Variants in ATP6V1H observed in about 807,000 individuals in gnomAD.
ATP6V1H encodes the protein ATPase H+ transporting V1 subunit H, also known as V-type proton ATPase subunit H.
In ATP6V1H, 39 loss-of-function variants were observed where a neutral mutation model predicts 71.7. The ratio of observed to expected loss-of-function variants is 0.54; its 90% CI spans 0.42 to 0.71. ATP6V1H has a LOEUF of 0.71. Ranked by LOEUF, ATP6V1H falls within the 30% of genes least tolerant of loss-of-function variation. The probability of loss-of-function intolerance (pLI) is 0.00; values close to 1 mark genes in which losing one functional copy is unlikely to be tolerated. For missense variants in ATP6V1H, 509 were observed against 594.9 expected (o/e 0.86, Z 1.50); for synonymous variants, 192 against 199.3 (o/e 0.96, Z 0.31).
chr8:53,805,888 T>G (rs570591978), intron 7 of ATP6V1H, among the ~76,000 whole-genome samples: 1 of 152,282 alleles, frequency 6.6e-6, no homozygotes, highest in South Asian at 2.1e-4. Flanking sequence ...CACATAAGAA[T>G]TTATACTGTA....
chr8:53,740,836 G>C (rs1025288320), intron 13 of ATP6V1H, among the ~76,000 whole-genome samples: 1 of 152,124 alleles, frequency 6.6e-6, no homozygotes, highest in African/African-American at 2.4e-5. Flanking sequence ...AATTAAACTG[G>C]TATTGTAATA....
At chr8:53,814,619 T>A in intron 6 of ATP6V1H, 43 bp downstream of exon 6, 1 of 1,038,010 alleles carries the variant, frequency 9.6e-7, no homozygotes, top group East Asian at 2.4e-5. Context: ...AGAACACGGA[T>A]GTTATATTCC....
rs138052587 is a variant in ATP6V1H, at chr8:53,794,514, T to G, written c.870+1133A>C. Among the ~76,000 whole-genome samples, 443 of 152,184 alleles carry G rather than the reference T, an allele frequency of 2.9e-3. 5 individuals are homozygous for G. The East Asian group carries it at 0.033, about 11-fold the overall frequency. On this transcript the variant is annotated intron_variant, in intron 9 of 13. Coordinates refer to ENST00000359530, the MANE Select transcript of ATP6V1H (RefSeq NM_015941.4). ...CTGAGCAGCTGGGATTACAGGCACATGACACCACGCCCAGCTAATTTTTGT... is the reference window on the plus strand; with the variant it reads ...CTGAGCAGCTGGGATTACAGGCACAGGACACCACGCCCAGCTAATTTTTGT...
intron 8 of ATP6V1H, 136 bp from the exon 9 acceptor site, chr8:53,795,975 G>T: frequency 1.3e-6 from 1 of 747,792 alleles, no homozygotes; most frequent in Non-Finnish European, 2.1e-6. Flanking sequence ...GCAATAACAA[G>T]CAGCTAGATT....
chr8:53,820,426 G>A (rs1810612388), intron 4 of ATP6V1H, among the ~76,000 whole-genome samples: 1 of 151,630 alleles, frequency 6.6e-6, no homozygotes. Context: ...CATACAATCT[G>A]CCCCCCACCA....
chr8:53,749,806 T>C (rs1038588152), intron 12 of ATP6V1H, among the ~76,000 whole-genome samples: 1 of 152,106 alleles, frequency 6.6e-6, no homozygotes, highest in Non-Finnish European at 1.5e-5. Context: ...AGCTTTGATA[T>C]TGTCACAATG....
chr8:53,724,625 C>T (rs1016487109), intron 13 of ATP6V1H, among the ~76,000 whole-genome samples: 5 of 132,500 alleles, frequency 3.8e-5, no homozygotes, highest in Admixed American at 1.8e-4. Context: ...GCCAAGAGGA[C>T]GAGGCCACGC....
chr8:53,785,945 C>A (rs1484873413), intron 9 of ATP6V1H, among the ~76,000 whole-genome samples: 1 of 152,218 alleles, frequency 6.6e-6, no homozygotes, highest in African/African-American at 2.4e-5. Context: ...TCAGTCCACC[C>A]TTACTGCGGG....
Position 53,814,746 on chromosome 8 carries a change from C to G in ATP6V1H, c.441G>C (p.Lys147Asn). 1 of 1,611,776 alleles carries G rather than the reference C, an allele frequency of 6.2e-7. No individual in the cohort carries two copies. Among genetic ancestry groups the G allele is most frequent in the Non-Finnish European group, 8.5e-7 (1 of 1,178,980 alleles). Reference sequence around the variant, plus strand: ...TCAGTTCTTTTCCCCAAGCTGCTAACTTGGCAATAATTCTTGCTGCCTGAA... The same window carrying G: ...TCAGTTCTTTTCCCCAAGCTGCTAAGTTGGCAATAATTCTTGCTGCCTGAA... ...TVHMAARIIA[K>N]LAAWGKELME... Residue 147 changes from lysine (K) to asparagine (N), a missense_variant, in exon 6 of 14, where the codon AAG becomes AAC. By Grantham distance (94) the Lys-to-Asn change is moderately conservative (BLOSUM62 0). This residue lies in a region of ATP6V1H where 297 missense variants were observed against 303.3 expected (regional missense o/e 0.98). Coordinates refer to ENST00000359530, the MANE Select transcript of ATP6V1H (RefSeq NM_015941.4).
At chr8:53,806,657 T>C (rs1258646507) in intron 7 of ATP6V1H, 1 of 191,590 alleles carries the variant, frequency 5.2e-6, no homozygotes, top group Non-Finnish European at 1.1e-5. Context: ...GATAAATACA[T>C]AGTATTAGGT....
chr8:53,822,639 T>TG (rs1456706650), intron 4 of ATP6V1H, among the ~76,000 whole-genome samples: 1 of 152,088 alleles, frequency 6.6e-6, no homozygotes, highest in Admixed American at 6.5e-5. Flanking sequence ...TAACACAGTA[T>TG]GACAGTTGAG....
chr8:53,756,790 C>T, intron 11 of ATP6V1H, 134 bp from the exon 12 acceptor site: 1 of 563,562 alleles, frequency 1.8e-6, no homozygotes, highest in Non-Finnish European at 3.0e-6. Flanking sequence ...AAGGATTTCA[C>T]TATTAGACAT....
intron 12 of ATP6V1H, among the ~76,000 whole-genome samples, chr8:53,745,627 C>T (rs909143030): frequency 6.6e-6 from 1 of 151,916 alleles, no homozygotes; most frequent in Non-Finnish European, 1.5e-5. Flanking sequence ...ACGTAACAGC[C>T]CCTTCTTGTG....
chr8:53,782,059 T>G (rs1809160043), intron 9 of ATP6V1H, among the ~76,000 whole-genome samples: 1 of 152,202 alleles, frequency 6.6e-6, no homozygotes, highest in Admixed American at 6.5e-5. Context: ...TTAAAGTAGT[T>G]TTTTCCAATT....
intron 7 of ATP6V1H, among the ~76,000 whole-genome samples, chr8:53,808,774 CTGGGTGACAGAGTGAG>C (rs1810176583): frequency 1.3e-5 from 2 of 149,448 alleles, no homozygotes; most frequent in Non-Finnish European, 3.0e-5. Flanking sequence ...GCACTCCAAC[CTGGGTGACAGAGTGAG>C]ACTCCATCTC....
intron 4 of ATP6V1H, among the ~76,000 whole-genome samples, chr8:53,824,775 A>G (rs927989056): frequency 1.3e-5 from 2 of 152,124 alleles, no homozygotes; most frequent in African/African-American, 4.8e-5. Flanking sequence ...TTTATAACCC[A>G]TAAGAATTGA....
At chr8:53,792,410 C>T (rs1291412081) in intron 9 of ATP6V1H, among the ~76,000 whole-genome samples, 2 of 152,154 alleles carry the variant, frequency 1.3e-5, no homozygotes, top group African/African-American at 4.8e-5. Flanking sequence ...TCCCAGAATC[C>T]ACACTGAACA....
chr8:53,779,158 C>T (rs1488566570), intron 9 of ATP6V1H, among the ~76,000 whole-genome samples: 1 of 152,056 alleles, frequency 6.6e-6, no homozygotes, highest in Admixed American at 6.5e-5. Context: ...AAAATCAGTA[C>T]ATAGAAGATC....
rs190570291 is a variant in ATP6V1H at position 53,786,965 on chromosome 8, T to C, written c.870+8682A>G. Among the ~76,000 whole-genome samples, 401 of 152,384 alleles carry C rather than the reference T, an allele frequency of 2.6e-3. 4 individuals carry two copies. Among genetic ancestry groups the C allele is most frequent in the Non-Finnish European group, 3.6e-3 (248 of 68,046 alleles). ...TCAATCAGTCATGAGCAAATACTTT[T>C]ATGAAACACAGTAAGAATGAATTTC... On this transcript the variant is annotated intron_variant, in intron 9 of 13. Transcript: ENST00000359530.
Sources: gnomAD v4.1 joint callset for allele counts (sites outside exome capture counted in the v4.1 genomes callset) on GRCh38, gnomAD v4.1.1 for gene constraint, gnomAD v4.1.1 regional missense constraint, MANE v1.5 for transcripts, NCBI Gene and HGNC (gene_info 2026-07-23, HGNC 2026-07-21) for gene names.